The following KAT14 variants were observed in gnomAD, a reference collection of about 807,000 sequenced individuals.
KAT14 encodes cysteine-rich protein 2-binding protein.
In KAT14, 66 loss-of-function variants were observed where a neutral mutation model predicts 78.4. That is an observed-to-expected ratio of 0.84 (90% confidence interval 0.69 to 1.03). The LOEUF is 1.03. KAT14 is among the 50% of genes least tolerant of loss of function. The pLI is 0.00. For missense variants in KAT14, 870 were observed against 972.5 expected, an observed-to-expected ratio of 0.89 and a Z score of 1.40; for synonymous variants, 344 against 359.4, an observed-to-expected ratio of 0.96 and a Z score of 0.48.
intron 9 of KAT14, 119 bp from the exon 10 acceptor site, chr20:18,184,483 G>GTTT: frequency 1.3e-6 from 1 of 790,782 alleles, no homozygotes; most frequent in Non-Finnish European, 1.9e-6. Flanking sequence ...TCCAGTTTTG[G>GTTT]TGTTTTTTTT....
chr20:18,180,957 A>G (rs1018835868), intron 7 of KAT14, among the ~76,000 whole-genome samples: 3 of 152,176 alleles, frequency 2.0e-5, no homozygotes, highest in African/African-American at 2.4e-5. Context: ...TTCTATATAC[A>G]GTAGTAGTTG....
chr20:18,143,615 A>ATTTTTT lies in KAT14; in HGVS notation c.259+702_259+707dup, dbSNP rs201858697. Among the ~76,000 whole-genome samples, 232 of 103,976 alleles carry ATTTTTT rather than the reference A, an allele frequency of 2.2e-3. 27 individuals are homozygous for ATTTTTT. The highest frequency in any genetic ancestry group is 3.2e-3 in the Non-Finnish European group (158 of 50,050). The allele number at this position is 103,976 out of a possible 152,430, so 68.2% of individuals were successfully genotyped here. A position where few individuals can be genotyped will look rare whatever the true frequency, so the allele number is the denominator to read the frequency against. The stretch of plus-strand genomic sequence containing the variant: ...TAGTGTTTGCCAGCACACCTGGCTA[A>ATTTTTT]TTTTTTTTTTTATTTTATTTTTTTT... On this transcript the variant is annotated intron_variant, in intron 2 of 10. Transcript: ENST00000688188.
At chr20:18,140,462 A>G (rs757130109) in intron 1 of KAT14, among the ~76,000 whole-genome samples, 1 of 152,098 alleles carries the variant, frequency 6.6e-6, no homozygotes, top group African/African-American at 2.4e-5. Context: ...CCACAAACAT[A>G]CGCAGGCCCT....
intron 1 of KAT14, among the ~76,000 whole-genome samples, chr20:18,139,937 T>C (rs2037466109): frequency 6.6e-6 from 1 of 151,998 alleles, no homozygotes; most frequent in Non-Finnish European, 1.5e-5. Context: ...GAGTTCTAGG[T>C]GTTAGGGTTG....
At chr20:18,148,673 G>A (rs1301480942) in intron 3 of KAT14, among the ~76,000 whole-genome samples, 3 of 151,200 alleles carry the variant, frequency 2.0e-5, no homozygotes, top group African/African-American at 7.3e-5. Context: ...GCAATGGCGC[G>A]ATCTTGGCTC....
At position 18,162,953 on chromosome 20, in the gene KAT14, C is replaced by T; in HGVS notation, c.1668+8C>T. On this transcript the variant is annotated splice_region_variant and intron_variant, in intron 7 of 10. Coordinates refer to ENST00000688188, the MANE Select transcript of KAT14 (RefSeq NM_001392073.1). ...ATCCTTGACCGATACCAGGTGAATG[C>T]AAGCACTTGCTGTAAAGCCCTTGGG... 1 of 1,611,910 alleles carries T rather than the reference C, an allele frequency of 6.2e-7. No homozygotes were observed. The highest frequency in any genetic ancestry group is 8.5e-7 in the Non-Finnish European group (1 of 1,178,806).
rs1241921620 is a variant in KAT14 at position 18,184,716 on chromosome 20, A to G, written c.2096A>G (p.Tyr699Cys). 3.1e-6 allele frequency: 5 copies of G among 1,613,624 alleles called. No individual in the cohort carries two copies. Among genetic ancestry groups the G allele is most frequent in the Admixed American group, 1.7e-5 (1 of 59,818 alleles). Residue 699 changes from tyrosine (Y) to cysteine (C), a missense_variant, in exon 10 of 11, where the codon TAC becomes TGC. Tyr to Cys is a radical substitution (Grantham distance 194). Coordinates refer to ENST00000688188, the MANE Select transcript of KAT14 (RefSeq NM_001392073.1). ...CCTGATGTGAAATACAATGAAGCTT[A>G]CATTTCATTTCTGTTCGTCCACCCT... Reference protein sequence around the residue: ...MVPDVKYNEAYISFLFVHPEW... With the variant: ...MVPDVKYNEACISFLFVHPEW...
In KAT14 at chr20:18,183,270, C is replaced by G; in HGVS notation, c.1953C>G (p.Asn651Lys). 1 of 1,614,058 alleles carries G rather than the reference C, an allele frequency of 6.2e-7. No individual in the cohort carries two copies. The highest frequency in any genetic ancestry group is 1.1e-5 in the South Asian group (1 of 91,046). ...YVRPNHIPTI[N>K]SMCQEFFWPG... is the part of the protein sequence containing the mutation. ...GGCCAAATCACATCCCAACGATCAA[C>G]TCCATGTGTCAGGAGTTTTTTTGGC... Residue 651 changes from asparagine to lysine, a missense_variant, in exon 9 of 11, where the codon AAC (asparagine) becomes AAG (lysine). Transcript: ENST00000688188.
chr20:18,174,703 G>A (rs553728152), intron 7 of KAT14, among the ~76,000 whole-genome samples: 41 of 144,434 alleles, frequency 2.8e-4, no homozygotes, highest in Admixed American at 1.4e-4. Flanking sequence ...TACTGTTGTC[G>A]CCCAGGCTGG....
At position 18,187,628 on chromosome 20, in the gene KAT14, C is replaced by T; in HGVS notation, c.*169C>T. 4.3e-6 allele frequency: 5 copies of T among 1,154,886 alleles called. No homozygotes were observed. Among genetic ancestry groups the T allele is most frequent in the Non-Finnish European group, 5.9e-6 (5 of 852,286 alleles). 71.5% of individuals were successfully genotyped at this position (1,154,886 alleles called of 1,614,324 possible). On this transcript the variant is annotated 3_prime_UTR_variant, in exon 11 of 11. Transcript: ENST00000688188. The stretch of plus-strand genomic sequence containing the variant: ...GGCATGCAGTGAAATGAGCAGTGAG[C>T]AGCCCTTTAGCAAAATCGCCCTCCA...
Position 18,162,954 on chromosome 20 carries a change from A to G in KAT14, c.1668+9A>G, listed in dbSNP as rs149988606. ...TCCTTGACCGATACCAGGTGAATGCAAGCACTTGCTGTAAAGCCCTTGGGG... is the reference window on the plus strand; with the variant it reads ...TCCTTGACCGATACCAGGTGAATGCGAGCACTTGCTGTAAAGCCCTTGGGG... On this transcript the variant is annotated intron_variant, in intron 7 of 10. Transcript: ENST00000688188. 7,569 of 1,612,212 alleles carry G rather than the reference A, an allele frequency of 4.7e-3. 31 individuals carry two copies. The highest frequency in any genetic ancestry group is 7.9e-3 in the Middle Eastern group (48 of 6,048).
Position 18,187,724 on chromosome 20 carries a change from C to G in KAT14, c.*265C>G, listed in dbSNP as rs933970658. ...TATTTATGAATGATGTCGTGATTCT[C>G]CCTCCACCTGACAGTTTGTAAGAGT... On this transcript the variant is annotated 3_prime_UTR_variant, in exon 11 of 11. Coordinates refer to ENST00000688188, the MANE Select transcript of KAT14 (RefSeq NM_001392073.1). 1.1e-5 allele frequency: 5 copies of G among 454,330 alleles called. No homozygotes were observed. Among genetic ancestry groups the G allele is most frequent in the South Asian group, 7.8e-5 (3 of 38,582 alleles). 28.1% of individuals were successfully genotyped at this position (454,330 alleles called of 1,614,324 possible).
Position 18,187,542 on chromosome 20 carries a change from A to G in KAT14, c.*83A>G. ...ATCTAAAGGCAGTGATTGATTTCAC[A>G]GGGAGCTCTAATCTCTGTGATTACA... On this transcript the variant is annotated 3_prime_UTR_variant, in exon 11 of 11. Transcript: ENST00000688188. 6.3e-7 allele frequency: 1 copy of G among 1,586,748 alleles called. No homozygotes were observed. The highest frequency in any genetic ancestry group is 1.2e-5 in the South Asian group (1 of 86,360).
chr20:18,145,880 T>C (rs775379014), intron 3 of KAT14, among the ~76,000 whole-genome samples: 18 of 152,196 alleles, frequency 1.2e-4, no homozygotes, highest in South Asian at 2.1e-4. Flanking sequence ...GCTCTGATTA[T>C]AATTGAAAAT....
At chr20:18,148,060 C>T (rs1286336206) in intron 3 of KAT14, among the ~76,000 whole-genome samples, 1 of 152,190 alleles carries the variant, frequency 6.6e-6, no homozygotes, top group Non-Finnish European at 1.5e-5. Flanking sequence ...AAGCCCATCT[C>T]TCACTGAAGA....
rs761459669 is a variant in KAT14, at chr20:18,147,876, G to A, written c.378+2525G>A. On this transcript the variant is annotated intron_variant, in intron 3 of 10. Coordinates refer to ENST00000688188, the MANE Select transcript of KAT14 (RefSeq NM_001392073.1). ...GCTGGGATTACAGGCGTGAGCCACCGTGCCCGGCCACTTTGCATATTTAAT... is the reference window on the plus strand; with the variant it reads ...GCTGGGATTACAGGCGTGAGCCACCATGCCCGGCCACTTTGCATATTTAAT... Among the ~76,000 whole-genome samples, 7 of 152,192 alleles carry A rather than the reference G, an allele frequency of 4.6e-5. No homozygotes were observed. In the South Asian group the frequency reaches 1.0e-3, roughly 22 times the overall value.
intron 9 of KAT14, among the ~76,000 whole-genome samples, chr20:18,184,012 C>T (rs759701850): frequency 2.6e-5 from 4 of 152,216 alleles, no homozygotes; most frequent in Non-Finnish European, 5.9e-5. Flanking sequence ...GAGCTGCACT[C>T]ATTCTTTTGG....
At chr20:18,175,705 G>C (rs2146497749) in intron 7 of KAT14, among the ~76,000 whole-genome samples, 2 of 151,876 alleles carry the variant, frequency 1.3e-5, no homozygotes, top group Admixed American at 1.3e-4. Context: ...TTACCATTCA[G>C]CAAATGCAAG....
intron 7 of KAT14, among the ~76,000 whole-genome samples, chr20:18,181,208 T>A (rs2039234316): frequency 1.3e-5 from 2 of 152,000 alleles, no homozygotes; most frequent in African/African-American, 4.8e-5. Context: ...ACAGCTGGGG[T>A]TTTTTGTGTC....
Sources: gnomAD v4.1 joint callset for allele counts (sites outside exome capture counted in the v4.1 genomes callset) on GRCh38, gnomAD v4.1.1 for gene constraint, MANE v1.5 for transcripts, NCBI Gene and HGNC (gene_info 2026-07-23, HGNC 2026-07-21) for gene names.